The following FZD3 variants were observed in gnomAD, a reference collection of about 807,000 sequenced individuals.
FZD3 encodes the protein frizzled class receptor 3.
A neutral mutation model predicts 60.7 loss-of-function variants in FZD3; 30 were observed. The ratio of observed to expected loss-of-function variants is 0.49; its 90% confidence interval spans 0.37 to 0.67. The LOEUF (loss-of-function observed/expected upper bound fraction) is 0.67, where lower values mean the gene tolerates loss of function less well. FZD3 is among the 30% of genes least tolerant of loss of function. The pLI, the probability that FZD3 is intolerant of heterozygous loss-of-function variation, is 0.00. For missense variants in FZD3, 605 were observed against 838.7 expected, an observed-to-expected ratio of 0.72 and a Z score of 3.44; for synonymous variants, 246 against 275.2, an observed-to-expected ratio of 0.89 and a Z score of 1.05.
At chr8:28,518,812 A>G (rs982880990) in intron 3 of FZD3, among the ~76,000 whole-genome samples, 6 of 152,216 alleles carry the variant, frequency 3.9e-5, no homozygotes, top group African/African-American at 7.2e-5. Context: ...TCTTACGCCC[A>G]GTTCAACAAA....
At chr8:28,519,509 C>A (rs540133924) in intron 3 of FZD3, among the ~76,000 whole-genome samples, 1 of 151,968 alleles carries the variant, frequency 6.6e-6, no homozygotes, top group South Asian at 2.1e-4. Flanking sequence ...ATGGACAGAT[C>A]GCTTGAGCCC....
chr8:28,524,382 A>G (rs1804663384), intron 4 of FZD3, among the ~76,000 whole-genome samples: 1 of 152,242 alleles, frequency 6.6e-6, no homozygotes, highest in African/African-American at 2.4e-5. Context: ...TTCTGAAATT[A>G]CAGCAGTTGT....
chr8:28,566,522 C>G lies in FZD3; in HGVS notation c.*3511C>G, dbSNP rs1023570693. On this transcript the variant is annotated 3_prime_UTR_variant, in exon 8 of 8. Coordinates refer to ENST00000240093, the MANE Select transcript of FZD3 (RefSeq NM_017412.4). ...AATGTCTTCAAATTAGAAAAATTTACTACATTTTAACCTACCTCATCAGTT... is the reference window on the plus strand; with the variant it reads ...AATGTCTTCAAATTAGAAAAATTTAGTACATTTTAACCTACCTCATCAGTT... The G allele has an allele frequency of 6.6e-6, 1 of 152,120 alleles. No homozygotes were observed. Among genetic ancestry groups the G allele is most frequent in the African/African-American group, 2.4e-5 (1 of 41,442 alleles). The allele number at this position is 152,120 out of a possible 1,614,324, so 9.4% of individuals were successfully genotyped here.
At chr8:28,536,314 A>C (rs1179444156) in intron 5 of FZD3, among the ~76,000 whole-genome samples, 1 of 152,244 alleles carries the variant, frequency 6.6e-6, no homozygotes, top group Non-Finnish European at 1.5e-5. Context: ...TTTTGACAAT[A>C]GAACATTTAT....
chr8:28,547,123 T>C (rs1025782368), intron 5 of FZD3, among the ~76,000 whole-genome samples: 1 of 152,218 alleles, frequency 6.6e-6, no homozygotes, highest in Admixed American at 6.5e-5. Flanking sequence ...ATATATCCTC[T>C]TTCAGTTATG....
At position 28,569,698 on chromosome 8, in the gene FZD3, T is replaced by A. The variant is rs1427253694; in HGVS notation, c.*6687T>A. 1 of 152,180 alleles carries A rather than the reference T, an allele frequency of 6.6e-6. No homozygotes were observed. Among genetic ancestry groups the A allele is most frequent in the Non-Finnish European group, 1.5e-5 (1 of 68,032 alleles). The allele number at this position is 152,180 out of a possible 1,614,324, so 9.4% of individuals were successfully genotyped here. A position where few individuals can be genotyped will look rare whatever the true frequency, so the allele number is the denominator to read the frequency against. On this transcript the variant is annotated 3_prime_UTR_variant, in exon 8 of 8. Transcript: ENST00000240093. ...TAATTTTAAAGAAGGAAAATTATAT[T>A]ACAGATAATAAAAATGAAAGAAAGT... is the stretch of plus-strand genomic sequence containing the variant.
chr8:28,530,089 CTGTGTGTGTGTGTG>C (rs59022036), intron 5 of FZD3, among the ~76,000 whole-genome samples: 31,361 of 138,500 alleles, frequency 0.23, 3,547 homozygotes, highest in Middle Eastern at 0.25. Context: ...TGAAATATAT[CTGTGTGTGTGTGTG>C]TGTGTGTGTG....
In FZD3 at chr8:28,549,658, T is replaced by G. The variant is rs539541977; in HGVS notation, c.1405-1945T>G. On this transcript the variant is annotated intron_variant, in intron 5 of 7. Coordinates refer to ENST00000240093, the MANE Select transcript of FZD3 (RefSeq NM_017412.4). ...GTATTCCATATTTTAATGAAAATAT[T>G]TCTAGTGGCTTTTGGTGTTTCCATT... 1.4e-4 allele frequency among the ~76,000 whole-genome samples: 22 copies of G among 152,288 alleles called. 1 individual carries two copies. Among genetic ancestry groups the G allele is most frequent in the African/African-American group, 4.8e-4 (20 of 41,580 alleles).
intron 5 of FZD3, among the ~76,000 whole-genome samples, chr8:28,542,049 C>T (rs1418921197): frequency 2.0e-5 from 3 of 148,586 alleles, no homozygotes; most frequent in Non-Finnish European, 4.5e-5. Flanking sequence ...CTGGTTTGTA[C>T]AAAACCCTCC....
intron 5 of FZD3, among the ~76,000 whole-genome samples, chr8:28,544,146 C>T (rs894885744): frequency 9.9e-5 from 15 of 152,022 alleles, no homozygotes; most frequent in Admixed American, 7.2e-4. Context: ...AGTAGTGCTC[C>T]TAAAACACAT....
intron 1 of FZD3, among the ~76,000 whole-genome samples, chr8:28,495,449 A>T (rs557847581): frequency 6.6e-6 from 1 of 152,328 alleles, no homozygotes; most frequent in Non-Finnish European, 1.5e-5. Context: ...GGGAATGCTT[A>T]TTGATGGGAA....
chr8:28,525,253 T>C (rs1278460019), intron 4 of FZD3, among the ~76,000 whole-genome samples: 1 of 152,200 alleles, frequency 6.6e-6, no homozygotes, highest in East Asian at 1.9e-4. Flanking sequence ...ATCCTGTTCT[T>C]ATGGAGTGAA....
Position 28,527,652 on chromosome 8 carries a change from A to G in FZD3, c.892A>G (p.Met298Val). The part of the protein sequence containing the change: ...MLFMILYFFT[M>V]AGSVWWVILT... Reference sequence around the variant, plus strand: ...TTTTATGATACTCTATTTTTTTACTATGGCTGGCAGTGTATGGTGGGTAAT... The same window carrying G: ...TTTTATGATACTCTATTTTTTTACTGTGGCTGGCAGTGTATGGTGGGTAAT... Residue 298 changes from methionine (M) to valine (V), a missense_variant, in exon 5 of 8, where the codon ATG becomes GTG. Coordinates refer to ENST00000240093, the MANE Select transcript of FZD3 (RefSeq NM_017412.4). This position sits in a 1 kb window ranked among gnomAD's most constrained non-coding sequence, Gnocchi z 5.0. The G allele has an allele frequency of 6.2e-7, 1 of 1,613,924 alleles. No individual in the cohort carries two copies. Among genetic ancestry groups the G allele is most frequent in the Non-Finnish European group, 8.5e-7 (1 of 1,179,964 alleles).
chr8:28,540,301 C>A (rs1447558654), intron 5 of FZD3, among the ~76,000 whole-genome samples: 1 of 152,208 alleles, frequency 6.6e-6, no homozygotes, highest in Non-Finnish European at 1.5e-5. Flanking sequence ...ACGATCTCGG[C>A]TCACTGCAAC....
chr8:28,556,516 A>G (rs1805511176), intron 7 of FZD3, among the ~76,000 whole-genome samples: 1 of 152,212 alleles, frequency 6.6e-6, no homozygotes, highest in Non-Finnish European at 1.5e-5. Context: ...CTCAGTGAGT[A>G]CCTCATATCA....
chr8:28,515,320 C>T (rs562901560), intron 3 of FZD3, among the ~76,000 whole-genome samples: 4 of 152,178 alleles, frequency 2.6e-5, no homozygotes, highest in South Asian at 2.1e-4. Flanking sequence ...GGCAGAGTCT[C>T]GGGAGACTGA....
intron 5 of FZD3, among the ~76,000 whole-genome samples, chr8:28,543,504 C>T (rs191769637): frequency 4.5e-4 from 68 of 152,208 alleles, no homozygotes; most frequent in Non-Finnish European, 8.2e-4. Context: ...CCTCAGCTTC[C>T]CGAGCAGCTG....
chr8:28,549,935 G>A (rs1032585397), intron 5 of FZD3, among the ~76,000 whole-genome samples: 1 of 151,902 alleles, frequency 6.6e-6, no homozygotes, highest in Non-Finnish European at 1.5e-5. Context: ...CTTTTAATTT[G>A]CTGTTGAATT....
intron 5 of FZD3, among the ~76,000 whole-genome samples, chr8:28,535,041 C>T (rs930112725): frequency 6.6e-6 from 1 of 152,194 alleles, no homozygotes; most frequent in Non-Finnish European, 1.5e-5. Flanking sequence ...AGTTATCTCT[C>T]ACATTACAGA....
Sources: gnomAD v4.1 joint callset for allele counts (sites outside exome capture counted in the v4.1 genomes callset) on GRCh38, gnomAD v4.1.1 for gene constraint, Gnocchi (gnomAD v3.1) non-coding constraint, MANE v1.5 for transcripts, NCBI Gene and HGNC (gene_info 2026-07-23, HGNC 2026-07-21) for gene names.